The following CHL1 variants were observed in gnomAD, a reference collection of about 807,000 sequenced individuals.
CHL1 encodes cell adhesion molecule L1 like, also known as neural cell adhesion molecule L1-like protein.
Under a neutral mutation model 141.9 loss-of-function variants are expected in CHL1, and 96 were observed. The observed-to-expected ratio is 0.68, with a 90% CI of 0.57 to 0.80. CHL1 has a LOEUF of 0.80. Among genes scored for constraint, CHL1 ranks in the 30% least tolerant of loss-of-function variants. CHL1 has a pLI of 0.00. For missense variants in CHL1, 1,820 were observed against 1,457.2 expected (o/e 1.25, Z -4.05); for synonymous variants, 613 against 502.2 (o/e 1.22, Z -2.95).
At chr3:352,244 T>C (rs763543863) in intron 10 of CHL1, among the ~76,000 whole-genome samples, 17 of 152,316 alleles carry the variant, frequency 1.1e-4, no homozygotes, top group Non-Finnish European at 1.9e-4. Context: ...ATCCAATTTT[T>C]GTTGAACCTA....
At chr3:260,672 T>C (rs1694636875) in intron 2 of CHL1, among the ~76,000 whole-genome samples, 1 of 152,094 alleles carries the variant, frequency 6.6e-6, no homozygotes, top group African/African-American at 2.4e-5. Flanking sequence ...AGCTGGGGTG[T>C]AGTTTGGGAA....
chr3:246,849 GT>G (rs1481529750), intron 2 of CHL1: 1 of 152,050 alleles, frequency 6.6e-6, no homozygotes, highest in Non-Finnish European at 1.5e-5. Flanking sequence ...CAAAAGCGAT[GT>G]TATCCATGCA....
chr3:262,626 A>T (rs781283376), intron 2 of CHL1, among the ~76,000 whole-genome samples: 13 of 152,186 alleles, frequency 8.5e-5, no homozygotes, highest in African/African-American at 9.7e-5. Context: ...GTATCAGGAG[A>T]GGTATAAGAC....
Position 354,627 on chromosome 3 carries a change from A to G in CHL1, c.1034-13A>G. The G allele has an allele frequency of 6.2e-7, 1 of 1,605,832 alleles. No individual in the cohort carries two copies. The highest frequency in any genetic ancestry group is 1.7e-4 in the Middle Eastern group (1 of 5,984). On this transcript the variant is annotated splice_polypyrimidine_tract_variant and intron_variant, in intron 10 of 27. Transcript: ENST00000256509. ...AGATAACATCTCTCATGAGCTCTTC[A>G]CTTTACATCCAGAGCCTCCTCGCTG...
intron 1 of CHL1, among the ~76,000 whole-genome samples, chr3:212,143 G>T (rs920658799): frequency 6.6e-6 from 1 of 152,102 alleles, no homozygotes; most frequent in Non-Finnish European, 1.5e-5. Flanking sequence ...GGTAGAGGCT[G>T]GTGGTGAGAA....
At chr3:221,141 T>C (rs920454390) in intron 1 of CHL1, among the ~76,000 whole-genome samples, 1 of 152,204 alleles carries the variant, frequency 6.6e-6, no homozygotes, top group African/African-American at 2.4e-5. Context: ...CCAATGTACA[T>C]GTTTCATGCA....
intron 11 of CHL1, among the ~76,000 whole-genome samples, chr3:356,592 C>T (rs1159273091): frequency 6.6e-6 from 1 of 152,054 alleles, no homozygotes; most frequent in Non-Finnish European, 1.5e-5. Context: ...GGTTCAGGAC[C>T]CAGAGTTGCA....
In CHL1 at chr3:340,889, C is replaced by T. The variant is rs1702297789; in HGVS notation, c.481C>T (p.Pro161Ser). The change falls in exon 6 of 28, where the codon CCT becomes TCT. Residue 161 changes from proline to serine, a missense_variant. Physicochemically the swap from Pro to Ser is moderately conservative, Grantham distance 74. Transcript: ENST00000256509. ...ATGCAATCCTCCCAAAGGCCTCCCA[C>T]CTTTACACATTTATTGGATGAATAT... ...LPCNPPKGLP[P>S]LHIYWMNIEL... is the part of the protein sequence containing the mutation. 6.2e-7 allele frequency: 1 copy of T among 1,612,974 alleles called. No individual in the cohort carries two copies. Among genetic ancestry groups the T allele is most frequent in the Admixed American group, 1.7e-5 (1 of 59,982 alleles).
At chr3:263,272 C>T (rs1451994789) in intron 2 of CHL1, among the ~76,000 whole-genome samples, 1 of 152,078 alleles carries the variant, frequency 6.6e-6, no homozygotes, top group Admixed American at 6.6e-5. Flanking sequence ...AATTCAATCT[C>T]ATCCCCAGGG....
chr3:340,651 A>C (rs1575111676), intron 5 of CHL1, 143 bp from the exon 6 acceptor site: 1 of 661,618 alleles, frequency 1.5e-6, no homozygotes, highest in East Asian at 2.8e-5. Context: ...TTTAACTCTG[A>C]AGGGGAGATG....
At position 363,293 on chromosome 3, in the gene CHL1, A is replaced by T. The variant is rs773083743; in HGVS notation, c.1495A>T (p.Arg499Ter). The change falls in exon 14 of 28, where the codon AGA becomes TGA. Residue 499 changes from arginine (R) to a stop codon, truncating the protein, a stop_gained. Transcript: ENST00000256509. LOFTEE classifies it high-confidence loss of function. Reference sequence around the variant, plus strand: ...TGAAAATGGCACATTGCAGATCAACAGAACCACCGAAGAAGATGCTGGGTC... The same window carrying T: ...TGAAAATGGCACATTGCAGATCAACTGAACCACCGAAGAAGATGCTGGGTC... ...IYENGTLQIN[R>*]TTEEDAGSYS... 8.1e-6 allele frequency: 13 copies of T among 1,613,706 alleles called. No individual in the cohort carries two copies. The Admixed American group carries it at 2.2e-4, about 27-fold the overall frequency.
At chr3:255,189 G>T (rs565798758) in intron 2 of CHL1, among the ~76,000 whole-genome samples, 1 of 152,258 alleles carries the variant, frequency 6.6e-6, no homozygotes, top group East Asian at 1.9e-4. Flanking sequence ...TCAAACAGTG[G>T]TTGCATTCTG....
chr3:338,355 AT>A (rs1361891988), intron 5 of CHL1, among the ~76,000 whole-genome samples: 1 of 152,226 alleles, frequency 6.6e-6, no homozygotes, highest in African/African-American at 2.4e-5. Context: ...TTTTAAAAAT[AT>A]TACTGTTGTC....
In CHL1 at chr3:400,792, A is replaced by G. The variant is rs569254998; in HGVS notation, c.3386-834A>G. 3.4e-3 allele frequency among the ~76,000 whole-genome samples: 513 copies of G among 151,966 alleles called. 3 individuals carry two copies. The highest frequency in any genetic ancestry group is 4.8e-3 in the Non-Finnish European group (323 of 67,946). The stretch of plus-strand genomic sequence containing the variant: ...ACTCCAGCCTGGGCGACAGAGTGAG[A>G]CTGTCTCAAAAAAAGTAATAATAAA... On this transcript the variant is annotated intron_variant, in intron 26 of 27. Coordinates refer to ENST00000256509, the MANE Select transcript of CHL1 (RefSeq NM_006614.4).
chr3:381,372 G>A (rs1369733115), intron 16 of CHL1, among the ~76,000 whole-genome samples: 1 of 152,084 alleles, frequency 6.6e-6, no homozygotes, highest in East Asian at 1.9e-4. Flanking sequence ...CTATACTGAG[G>A]TTTGCAGTGG....
intron 15 of CHL1, among the ~76,000 whole-genome samples, chr3:375,282 T>C (rs531542657): frequency 6.6e-6 from 1 of 152,156 alleles, no homozygotes; most frequent in East Asian, 1.9e-4. Flanking sequence ...TGTTCATGAC[T>C]GTAGGCAAAG....
intron 19 of CHL1, among the ~76,000 whole-genome samples, chr3:387,757 A>G (rs1707875192): frequency 6.6e-6 from 1 of 152,222 alleles, no homozygotes; most frequent in South Asian, 2.1e-4. Context: ...TTCACACTCT[A>G]AAATATCTTG....
chr3:377,838 A>C lies in CHL1; in HGVS notation c.1772A>C (p.Asn591Thr). 1 of 1,609,096 alleles carries C rather than the reference A, an allele frequency of 6.2e-7. No individual in the cohort carries two copies. The highest frequency in any genetic ancestry group is 8.5e-7 in the Non-Finnish European group (1 of 1,175,948). ...GATAGGATAATTATTGATGGAGCTA[A>C]TTTGACCATATCTAATGTAACTTTA... ...EDGRIIIDGA[N>T]LTISNVTLED... Residue 591 changes from asparagine to threonine, a missense_variant, in exon 16 of 28, where the codon AAT becomes ACT. Physicochemically the swap from Asn to Thr is moderately conservative, Grantham distance 65 (BLOSUM62 0). Coordinates refer to ENST00000256509, the MANE Select transcript of CHL1 (RefSeq NM_006614.4).
Position 319,667 on chromosome 3 carries a change from C to A in CHL1, c.-94-16C>A. 2 of 495,360 alleles carry A rather than the reference C, an allele frequency of 4.0e-6. No individual in the cohort carries two copies. Among genetic ancestry groups the A allele is most frequent in the South Asian group, 2.1e-5 (1 of 47,462 alleles). 30.7% of individuals were successfully genotyped at this position (495,360 alleles called of 1,614,324 possible). A position where few individuals can be genotyped will look rare whatever the true frequency, so the allele number is the denominator to read the frequency against. ...AGAGTTTGTGAACTAACATGTTATT[C>A]TGTTTGTGTTTTTAGTTTCCAGGTT... On this transcript the variant is annotated splice_polypyrimidine_tract_variant and intron_variant, in intron 2 of 27. Transcript: ENST00000256509.
Sources: gnomAD v4.1 joint callset for allele counts (sites outside exome capture counted in the v4.1 genomes callset) on GRCh38, gnomAD v4.1.1 for gene constraint, MANE v1.5 for transcripts, NCBI Gene and HGNC (gene_info 2026-07-23, HGNC 2026-07-21) for gene names.